The following RBM15B variants were observed in gnomAD, a reference collection of about 807,000 sequenced individuals.
RBM15B encodes the protein putative RNA-binding protein 15B.
RBM15B carries 11 observed loss-of-function variants against 53.3 expected under a neutral mutation model. That is an observed-to-expected ratio of 0.21 (90% confidence interval 0.13 to 0.34). RBM15B has a LOEUF of 0.34. Ranked by LOEUF, RBM15B falls within the 10% of genes least tolerant of loss-of-function variation. RBM15B has a pLI of 1.00. For synonymous variants in RBM15B, 631 were observed against 540.7 expected, an observed-to-expected ratio of 1.17 and a Z score of -2.32; for missense variants, 1,136 against 1,250.3, an observed-to-expected ratio of 0.91 and a Z score of 1.38.
In RBM15B at chr3:51,393,390, GCCACCA is replaced by G. The variant is rs781896764; in HGVS notation, c.2005_2010del (p.His669_His670del). 5 of 1,613,184 alleles carry G rather than the reference GCCACCA, an allele frequency of 3.1e-6. No homozygotes were observed. The highest frequency in any genetic ancestry group is 4.5e-5 in the East Asian group (2 of 44,862). On this transcript the variant is annotated inframe_deletion, in exon 1 of 1. Coordinates refer to ENST00000563281, the MANE Select transcript of RBM15B (RefSeq NM_013286.5). The surrounding 1 kb of genome is among the most constrained non-coding windows in gnomAD (Gnocchi z 5.6). ...AGCAGACATGGGGCTGAGGAACGGGGCCACCACCACCACCACCACGAGGCTGCAGAC... is the reference window on the plus strand; with the variant it reads ...AGCAGACATGGGGCTGAGGAACGGGGCCACCACCACCACGAGGCTGCAGAC...
chr3:51,391,394 A>G lies in RBM15B; in HGVS notation c.-6A>G. 1.6e-6 allele frequency: 2 copies of G among 1,213,504 alleles called. No individual in the cohort carries two copies. The highest frequency in any genetic ancestry group is 2.0e-6 in the Non-Finnish European group (2 of 976,814). 75.2% of individuals were successfully genotyped at this position (1,213,504 alleles called of 1,614,324 possible). A position where few individuals can be genotyped will look rare whatever the true frequency, so the allele number is the denominator to read the frequency against. Reference sequence around the variant, plus strand: ...CTACGGGCCGCCCGCCCGCCGCGCCAGCGCCATGAAGCGGCAGAGCGAGCG... The same window carrying G: ...CTACGGGCCGCCCGCCCGCCGCGCCGGCGCCATGAAGCGGCAGAGCGAGCG... On this transcript the variant is annotated 5_prime_UTR_variant, in exon 1 of 1. Transcript: ENST00000563281. The surrounding 1 kb of genome is among the most constrained non-coding windows in gnomAD (Gnocchi z 4.5).
rs1031861673 is a variant in RBM15B at position 51,394,884 on chromosome 3, C to T, written c.*812C>T. 11 of 167,146 alleles carry T rather than the reference C, an allele frequency of 6.6e-5. No homozygotes were observed. Among genetic ancestry groups the T allele is most frequent in the South Asian group, 2.1e-4 (1 of 4,830 alleles). 10.4% of individuals were successfully genotyped at this position (167,146 alleles called of 1,614,324 possible). A position where few individuals can be genotyped will look rare whatever the true frequency, so the allele number is the denominator to read the frequency against. ...CCCTGATCTGTCCAGGCTCCTGGTT[C>T]GGCCTACTTTCTAGCCTCACTCAGC... On this transcript the variant is annotated 3_prime_UTR_variant, in exon 1 of 1. Transcript: ENST00000563281.
chr3:51,391,786 C>G lies in RBM15B; in HGVS notation c.387C>G (p.Pro129=), dbSNP rs1553621567. ...CGCCTGGGGCCGAGCCCGCGTGTCC[C>G]GGCTCATCCGCGGCCGCGCCTGAGT... ...PPPPGAEPAC[P]GSSAAAPEYK... is the part of the protein sequence containing the mutation. Residue 129 remains proline (P), a synonymous_variant, in exon 1 of 1, where the codon CCC becomes CCG. Transcript: ENST00000563281. The surrounding 1 kb of genome is among the most constrained non-coding windows in gnomAD (Gnocchi z 4.5). 6.3e-7 allele frequency: 1 copy of G among 1,590,450 alleles called. No individual in the cohort carries two copies. Among genetic ancestry groups the G allele is most frequent in the Non-Finnish European group, 8.5e-7 (1 of 1,176,174 alleles).
At position 51,396,942 on chromosome 3, in the gene RBM15B, A is replaced by G. The variant is rs2089242437; in HGVS notation, c.*2870A>G. Reference sequence around the variant, plus strand: ...CATTAAAGCGAGGCATGAAGCAAAGAGCTGAGTGAGTCCTCTGCTCTCCAG... The same window carrying G: ...CATTAAAGCGAGGCATGAAGCAAAGGGCTGAGTGAGTCCTCTGCTCTCCAG... On this transcript the variant is annotated 3_prime_UTR_variant, in exon 1 of 1. Coordinates refer to ENST00000563281, the MANE Select transcript of RBM15B (RefSeq NM_013286.5). 6.0e-6 allele frequency: 1 copy of G among 167,008 alleles called. No homozygotes were observed. Among genetic ancestry groups the G allele is most frequent in the Non-Finnish European group, 1.5e-5 (1 of 68,138 alleles). 10.3% of individuals were successfully genotyped at this position (167,008 alleles called of 1,614,324 possible).
At position 51,393,413 on chromosome 3, in the gene RBM15B, G is replaced by A; in HGVS notation, c.2014G>A (p.Ala672Thr). The change falls in exon 1 of 1, where the codon GCT becomes ACT. Residue 672 changes from alanine (A) to threonine (T), a missense_variant. Transcript: ENST00000563281. The surrounding 1 kb of genome is among the most constrained non-coding windows in gnomAD (Gnocchi z 5.6). ...GGGCCACCACCACCACCACCACGAG[G>A]CTGCAGACTCTTCCCACGGGAAGAA... is the stretch of plus-strand genomic sequence containing the variant. ...ERGHHHHHHE[A>T]ADSSHGKKAR... The A allele has an allele frequency of 6.2e-7, 1 of 1,613,762 alleles. No homozygotes were observed. The highest frequency in any genetic ancestry group is 2.2e-5 in the East Asian group (1 of 44,866).
rs1316467838 is a variant in RBM15B, at chr3:51,393,007, T to C, written c.1608T>C (p.Leu536=). 2.5e-6 allele frequency: 4 copies of C among 1,613,554 alleles called. No individual in the cohort carries two copies. The highest frequency in any genetic ancestry group is 1.6e-4 in the Middle Eastern group (1 of 6,084). The change falls in exon 1 of 1, where the codon CTT becomes CTC. Residue 536 remains leucine, a synonymous_variant. Transcript: ENST00000563281. The surrounding 1 kb of genome is among the most constrained non-coding windows in gnomAD (Gnocchi z 5.6). ...TGCGGGACAGGACGCCCCCACACCT[T>C]CTGTACTCAGACCGAGACCGGACTT... The part of the protein sequence containing the change: ...DLVRDRTPPH[L]LYSDRDRTFL...
At position 51,395,453 on chromosome 3, in the gene RBM15B, T is replaced by A. The variant is rs1559457807; in HGVS notation, c.*1381T>A. 4 of 210,682 alleles carry A rather than the reference T, an allele frequency of 1.9e-5. No individual in the cohort carries two copies. The allele number at this position is 210,682 out of a possible 1,614,324, so 13.1% of individuals were successfully genotyped here. On this transcript the variant is annotated 3_prime_UTR_variant, in exon 1 of 1. Transcript: ENST00000563281. The stretch of plus-strand genomic sequence containing the variant: ...TGTCTCAAGTAAGTAAGGAAGGTAC[T>A]GCGGACAGTGTGGGCCAGGGAGGAA...
chr3:51,392,228 C>A lies in RBM15B; in HGVS notation c.829C>A (p.Pro277Thr). ...CGTCGCTGCCCCGCCCCTGCGGGAG[C>A]CCCGTGCCCGTCACGCCGCCGCAGC... ...SPVAAPPLRE[P>T]RARHAAAAFA... The change falls in exon 1 of 1, where the codon CCC becomes ACC. Residue 277 changes from proline to threonine, a missense_variant. Around this residue, in one of 7 missense-constraint regions of RBM15B, gnomAD observed 204 missense variants for 196.8 expected, o/e 1.04. Transcript: ENST00000563281. This position sits in a 1 kb window ranked among gnomAD's most constrained non-coding sequence, Gnocchi z 7.5. 6.4e-7 allele frequency: 1 copy of A among 1,563,176 alleles called. No individual in the cohort carries two copies.
At position 51,393,092 on chromosome 3, in the gene RBM15B, G is replaced by A. The variant is rs548496517; in HGVS notation, c.1693G>A (p.Gly565Ser). ...CTCTGACCGCCGAAACAGCCTTGAG[G>A]GCTACAGTCGCTCAGTGCGCAGCCG... Reference protein sequence around the residue: ...KSSDRRNSLEGYSRSVRSRSG... With the variant: ...KSSDRRNSLESYSRSVRSRSG... Residue 565 changes from glycine (G) to serine (S), a missense_variant, in exon 1 of 1, where the codon GGC becomes AGC. Physicochemically the swap from Gly to Ser is moderately conservative, Grantham distance 56 (BLOSUM62 0). Coordinates refer to ENST00000563281, the MANE Select transcript of RBM15B (RefSeq NM_013286.5). The surrounding 1 kb of genome is among the most constrained non-coding windows in gnomAD (Gnocchi z 5.6). 5 of 1,614,038 alleles carry A rather than the reference G, an allele frequency of 3.1e-6. No individual in the cohort carries two copies. In the East Asian group the frequency reaches 1.1e-4, roughly 36 times the overall value.
chr3:51,395,823 C>A lies in RBM15B; in HGVS notation c.*1751C>A, dbSNP rs146912969. On this transcript the variant is annotated 3_prime_UTR_variant, in exon 1 of 1. Transcript: ENST00000563281. ...TCGGTGATGTGGAATGGACAGGTGC[C>A]TCGCAAGAGAGCAAGCACGTTCATA... is the stretch of plus-strand genomic sequence containing the variant. 3.0e-4 allele frequency: 125 copies of A among 413,502 alleles called. No individual in the cohort carries two copies. Among genetic ancestry groups the A allele is most frequent in the African/African-American group, 2.4e-3 (117 of 48,732 alleles). The allele number at this position is 413,502 out of a possible 1,614,324, so 25.6% of individuals were successfully genotyped here. A position where few individuals can be genotyped will look rare whatever the true frequency, so the allele number is the denominator to read the frequency against.
chr3:51,393,688 G>A lies in RBM15B; in HGVS notation c.2289G>A (p.Leu763=), dbSNP rs1553622042. Residue 763 remains leucine (L), a synonymous_variant, in exon 1 of 1, where the codon CTG becomes CTA. Transcript: ENST00000563281. The surrounding 1 kb of genome is among the most constrained non-coding windows in gnomAD (Gnocchi z 5.6). ...CTTCTGGGAGCAAGCTGACCCAGCTGAAGATCGCCCAGCGCCTTCGACTGG... is the reference window on the plus strand; with the variant it reads ...CTTCTGGGAGCAAGCTGACCCAGCTAAAGATCGCCCAGCGCCTTCGACTGG... The part of the protein sequence containing the change: ...DHTSGSKLTQ[L]KIAQRLRLDQ... 1 of 1,612,966 alleles carries A rather than the reference G, an allele frequency of 6.2e-7. No individual in the cohort carries two copies. Among genetic ancestry groups the A allele is most frequent in the South Asian group, 1.1e-5 (1 of 90,912 alleles).
In RBM15B at chr3:51,397,724, A is replaced by G. The variant is rs2089301671; in HGVS notation, c.*3652A>G. 6.0e-6 allele frequency: 1 copy of G among 167,082 alleles called. No homozygotes were observed. Among genetic ancestry groups the G allele is most frequent in the African/African-American group, 2.4e-5 (1 of 41,438 alleles). The allele number at this position is 167,082 out of a possible 1,614,324, so 10.3% of individuals were successfully genotyped here. A position where few individuals can be genotyped will look rare whatever the true frequency, so the allele number is the denominator to read the frequency against. ...GCTACTTTCCTCCCTGGAGTGCTCT[A>G]TGTGGGCAGAACATGCTCTCCTTGC... On this transcript the variant is annotated 3_prime_UTR_variant, in exon 1 of 1. Coordinates refer to ENST00000563281, the MANE Select transcript of RBM15B (RefSeq NM_013286.5).
Position 51,395,229 on chromosome 3 carries a change from C to T in RBM15B, c.*1157C>T, listed in dbSNP as rs1274856019. ...GCAAGATCAGAGCATGTGCCTACAC[C>T]TTGTGCCCTGATGCCGAGGTGGAGA... On this transcript the variant is annotated 3_prime_UTR_variant, in exon 1 of 1. Transcript: ENST00000563281. 2 of 167,136 alleles carry T rather than the reference C, an allele frequency of 1.2e-5. No individual in the cohort carries two copies. The highest frequency in any genetic ancestry group is 3.9e-4 in the East Asian group (2 of 5,190). 10.4% of individuals were successfully genotyped at this position (167,136 alleles called of 1,614,324 possible).
chr3:51,395,701 A>G lies in RBM15B; in HGVS notation c.*1629A>G. The G allele has an allele frequency of 2.4e-6, 1 of 412,398 alleles. No homozygotes were observed. Among genetic ancestry groups the G allele is most frequent in the Non-Finnish European group, 4.4e-6 (1 of 225,780 alleles). The allele number at this position is 412,398 out of a possible 1,614,324, so 25.5% of individuals were successfully genotyped here. On this transcript the variant is annotated 3_prime_UTR_variant, in exon 1 of 1. Transcript: ENST00000563281. ...CTTACCGGAGCTAGGATAAGGTAGC[A>G]TGAGTGACACCTGAGATTAGAGGCT...
Position 51,396,103 on chromosome 3 carries a change from T to C in RBM15B, c.*2031T>C, listed in dbSNP as rs1301640893. On this transcript the variant is annotated 3_prime_UTR_variant, in exon 1 of 1. Transcript: ENST00000563281. ...CACAGGCCAGAGCTGCCTTGGTATG[T>C]TGTTAAGTCCAAAACTTCTTCTCTG... 9 of 410,004 alleles carry C rather than the reference T, an allele frequency of 2.2e-5. No individual in the cohort carries two copies. The highest frequency in any genetic ancestry group is 4.0e-5 in the Non-Finnish European group (9 of 224,612). 25.4% of individuals were successfully genotyped at this position (410,004 alleles called of 1,614,324 possible).
chr3:51,392,320 C>T lies in RBM15B; in HGVS notation c.921C>T (p.Tyr307=), dbSNP rs1553621751. The T allele has an allele frequency of 5.0e-6, 8 of 1,612,404 alleles. No individual in the cohort carries two copies. In the South Asian group the frequency reaches 7.7e-5, roughly 16 times the overall value. The part of the protein sequence containing the change: ...GLSRERALDY[Y]GLYDDRGRPY... Reference sequence around the variant, plus strand: ...CCCGGGAGCGGGCCCTGGACTACTACGGGCTGTACGACGACCGTGGGCGCC... The same window carrying T: ...CCCGGGAGCGGGCCCTGGACTACTATGGGCTGTACGACGACCGTGGGCGCC... The change falls in exon 1 of 1, where the codon TAC becomes TAT. Residue 307 remains tyrosine, a synonymous_variant. Transcript: ENST00000563281. This position sits in a 1 kb window ranked among gnomAD's most constrained non-coding sequence, Gnocchi z 7.5.
rs781981605 is a variant in RBM15B at position 51,393,637 on chromosome 3, G to C, written c.2238G>C (p.Val746=). Residue 746 remains valine (V), a synonymous_variant, in exon 1 of 1, where the codon GTG becomes GTC. Coordinates refer to ENST00000563281, the MANE Select transcript of RBM15B (RefSeq NM_013286.5). The surrounding 1 kb of genome is among the most constrained non-coding windows in gnomAD (Gnocchi z 5.6). Reference sequence around the variant, plus strand: ...ATATCCTAGAGGGGGACCAGGGGGTGATCAGCAGTCTCCTCAAAGACCACA... The same window carrying C: ...ATATCCTAGAGGGGGACCAGGGGGTCATCAGCAGTCTCCTCAAAGACCACA... ...SMHILEGDQG[V]ISSLLKDHTS... 4 of 1,613,298 alleles carry C rather than the reference G, an allele frequency of 2.5e-6. No homozygotes were observed. Among genetic ancestry groups the C allele is most frequent in the Non-Finnish European group, 2.5e-6 (3 of 1,179,550 alleles).
At position 51,394,664 on chromosome 3, in the gene RBM15B, G is replaced by C. The variant is rs1318090742; in HGVS notation, c.*592G>C. ...AAGGAAGGGATGGGGTGAGCGCAAG[G>C]CCTGTGGTCAGCAGCTACTGATGGT... On this transcript the variant is annotated 3_prime_UTR_variant, in exon 1 of 1. Coordinates refer to ENST00000563281, the MANE Select transcript of RBM15B (RefSeq NM_013286.5). The C allele has an allele frequency of 6.0e-6, 1 of 167,166 alleles. No homozygotes were observed. The highest frequency in any genetic ancestry group is 1.5e-5 in the Non-Finnish European group (1 of 68,152). 10.4% of individuals were successfully genotyped at this position (167,166 alleles called of 1,614,324 possible).
chr3:51,393,464 C>T lies in RBM15B; in HGVS notation c.2065C>T (p.Arg689Trp), dbSNP rs1016590837. 4 of 1,613,756 alleles carry T rather than the reference C, an allele frequency of 2.5e-6. No homozygotes were observed. Among genetic ancestry groups the T allele is most frequent in the African/African-American group, 2.7e-5 (2 of 74,888 alleles). ...GGCAAGAGACAGCGAGCGCAATCAC[C>T]GGACCACAGAGGCCGAGCCCAAGCC... The part of the protein sequence containing the change: ...KKARDSERNH[R>W]TTEAEPKPLE... Residue 689 changes from arginine to tryptophan, a missense_variant, in exon 1 of 1, where the codon CGG becomes TGG. Arg to Trp is a moderately radical substitution (Grantham distance 101). Transcript: ENST00000563281. This position sits in a 1 kb window ranked among gnomAD's most constrained non-coding sequence, Gnocchi z 5.6.
Sources: gnomAD v4.1 joint callset for allele counts on GRCh38, gnomAD v4.1.1 for gene constraint, gnomAD v4.1.1 regional missense constraint, Gnocchi (gnomAD v3.1) non-coding constraint, MANE v1.5 for transcripts, NCBI Gene and HGNC (gene_info 2026-07-23, HGNC 2026-07-21) for gene names.